Variants in PKP4 observed in about 807,000 individuals in gnomAD.
The protein encoded by PKP4 is plakophilin-4.
A neutral mutation model predicts 145.1 loss-of-function variants in PKP4; 90 were observed. That is an observed-to-expected ratio of 0.62 (90% CI 0.52 to 0.74). The LOEUF is 0.74. Ranked by LOEUF, PKP4 falls within the 30% of genes least tolerant of loss-of-function variation. The pLI, the probability that PKP4 is intolerant of heterozygous loss-of-function variation, is 0.00. For missense variants in PKP4, 1,340 were observed against 1,482.7 expected (o/e 0.90, Z 1.58); for synonymous variants, 563 against 577.2 (o/e 0.98, Z 0.35).
chr2:158,644,474 A>G lies in PKP4; in HGVS notation c.1909+1775A>G, dbSNP rs550613055. On this transcript the variant is annotated intron_variant, in intron 11 of 21. Coordinates refer to ENST00000389759, the MANE Select transcript of PKP4 (RefSeq NM_003628.6). ...ACAGCATTGCTTGTAATAATAATTC[A>G]GGGAAAATACTAAGAGTTCATTGAC... Among the ~76,000 whole-genome samples, 10 of 152,324 alleles carry G rather than the reference A, an allele frequency of 6.6e-5. No homozygotes were observed. The East Asian group carries it at 1.7e-3, about 26-fold the overall frequency.
At chr2:158,497,759 A>G (rs1263937081) in intron 1 of PKP4, among the ~76,000 whole-genome samples, 3 of 152,248 alleles carry the variant, frequency 2.0e-5, no homozygotes, top group African/African-American at 7.2e-5. Flanking sequence ...TGTATGAGTC[A>G]TAGTATTCAA....
At chr2:158,585,801 C>A (rs2048748493) in intron 3 of PKP4, among the ~76,000 whole-genome samples, 1 of 149,158 alleles carries the variant, frequency 6.7e-6, no homozygotes, top group Non-Finnish European at 1.5e-5. Context: ...AAAATCCATA[C>A]TTTTGAAGTG....
At chr2:158,633,467 A>G (rs1424123372) in intron 8 of PKP4, among the ~76,000 whole-genome samples, 1 of 152,256 alleles carries the variant, frequency 6.6e-6, no homozygotes, top group Non-Finnish European at 1.5e-5. Context: ...TTCACGTCCC[A>G]GTGGGATCAC....
chr2:158,547,302 A>C (rs1559305712), intron 2 of PKP4, among the ~76,000 whole-genome samples: 1 of 152,248 alleles, frequency 6.6e-6, no homozygotes, highest in Non-Finnish European at 1.5e-5. Flanking sequence ...GTGAATTAAT[A>C]AATTATATTC....
At chr2:158,590,187 A>G (rs2049134932) in intron 3 of PKP4, among the ~76,000 whole-genome samples, 1 of 152,128 alleles carries the variant, frequency 6.6e-6, no homozygotes, top group South Asian at 2.1e-4. Context: ...GAAGCAGGAA[A>G]AAGTGTGTAG....
chr2:158,499,358 T>G (rs1696222266), intron 1 of PKP4, among the ~76,000 whole-genome samples: 2 of 152,156 alleles, frequency 1.3e-5, no homozygotes, highest in African/African-American at 4.8e-5. Flanking sequence ...GCCTGCCCCA[T>G]GTAGTACCTG....
At chr2:158,477,414 T>C (rs1692657170) in intron 1 of PKP4, among the ~76,000 whole-genome samples, 1 of 152,172 alleles carries the variant, frequency 6.6e-6, no homozygotes, top group African/African-American at 2.4e-5. Context: ...TCTAGCCAAC[T>C]CAGCTGGAGG....
rs745919258 is a variant in PKP4 at position 158,631,876 on chromosome 2, G to A, written c.1277G>A (p.Arg426His). 38 of 1,613,964 alleles carry A rather than the reference G, an allele frequency of 2.4e-5. No homozygotes were observed. Among genetic ancestry groups the A allele is most frequent in the East Asian group, 4.5e-5 (2 of 44,892 alleles). Residue 426 changes from arginine (R) to histidine (H), a missense_variant, in exon 8 of 22, where the codon CGC (arginine) becomes CAC (histidine). Coordinates refer to ENST00000389759, the MANE Select transcript of PKP4 (RefSeq NM_003628.6). The part of the protein sequence containing the change: ...EGRTYYSPVY[R>H]SPNHGTVELQ... ...AGGACCTATTACAGCCCAGTGTACCGCAGCCCAAACCATGGAACTGTGGAG... is the reference window on the plus strand; with the variant it reads ...AGGACCTATTACAGCCCAGTGTACCACAGCCCAAACCATGGAACTGTGGAG...
At chr2:158,518,341 T>G (rs989531049) in intron 1 of PKP4, among the ~76,000 whole-genome samples, 1 of 152,220 alleles carries the variant, frequency 6.6e-6, no homozygotes, top group African/African-American at 2.4e-5. Context: ...CTTCAGATGT[T>G]GCACAAGATC....
chr2:158,615,087 A>G (rs968523178), intron 4 of PKP4, among the ~76,000 whole-genome samples: 2 of 151,626 alleles, frequency 1.3e-5, no homozygotes, highest in Admixed American at 1.3e-4. Flanking sequence ...TTTGATAGTG[A>G]ATATCATCCT....
At chr2:158,564,630 C>T (rs945020347) in intron 2 of PKP4, among the ~76,000 whole-genome samples, 6 of 152,102 alleles carry the variant, frequency 3.9e-5, no homozygotes, top group African/African-American at 1.4e-4. Context: ...GTGCCCATTT[C>T]CCCCCAGTTC....
At chr2:158,525,956 G>C (rs2042889397) in intron 1 of PKP4, among the ~76,000 whole-genome samples, 1 of 151,144 alleles carries the variant, frequency 6.6e-6, no homozygotes. Context: ...TCTCTGAATA[G>C]ACCAATAACA....
intron 4 of PKP4, among the ~76,000 whole-genome samples, chr2:158,609,708 T>G (rs936191612): frequency 1.3e-5 from 2 of 152,208 alleles, no homozygotes; most frequent in East Asian, 3.9e-4. Context: ...TGAATTGGAT[T>G]TTTAAATAGC....
intron 2 of PKP4, among the ~76,000 whole-genome samples, chr2:158,545,953 G>A (rs1428379989): frequency 1.3e-5 from 2 of 152,160 alleles, no homozygotes; most frequent in Non-Finnish European, 2.9e-5. Context: ...AGTAGATACT[G>A]AATTATTCTT....
At position 158,538,189 on chromosome 2, in the gene PKP4, G is replaced by A. The variant is rs546734904; in HGVS notation, c.132+4873G>A. On this transcript the variant is annotated intron_variant, in intron 2 of 21. Coordinates refer to ENST00000389759, the MANE Select transcript of PKP4 (RefSeq NM_003628.6). The stretch of plus-strand genomic sequence containing the variant: ...ATCCAGAGCCTTGCTGCTGCCCTCT[G>A]CAACTTACTTAGATGGGTCAGAATG... Among the ~76,000 whole-genome samples the A allele has an allele frequency of 1.6e-4, 24 of 152,294 alleles. 1 individual carries two copies. In the South Asian group the frequency reaches 4.3e-3, roughly 28 times the overall value.
chr2:158,556,971 G>C (rs2046148172), intron 2 of PKP4, among the ~76,000 whole-genome samples: 1 of 151,956 alleles, frequency 6.6e-6, no homozygotes, highest in Non-Finnish European at 1.5e-5. Context: ...CATGGCATGG[G>C]GCTGAAAGAC....
chr2:158,664,342 G>A (rs1047966797), intron 15 of PKP4, among the ~76,000 whole-genome samples: 6 of 152,230 alleles, frequency 3.9e-5, no homozygotes, highest in Admixed American at 2.6e-4. Flanking sequence ...GCAAATGTAT[G>A]AGTATGAAAA....
chr2:158,553,379 G>T (rs927423687), intron 2 of PKP4, among the ~76,000 whole-genome samples: 1 of 152,184 alleles, frequency 6.6e-6, no homozygotes, highest in Non-Finnish European at 1.5e-5. Context: ...ATTTTCCAGG[G>T]AAGATCTGTG....
chr2:158,601,441 TTAAA>T (rs2050219088), intron 3 of PKP4, among the ~76,000 whole-genome samples: 1 of 152,114 alleles, frequency 6.6e-6, no homozygotes, highest in Non-Finnish European at 1.5e-5. Flanking sequence ...GATAATAGAA[TTAAA>T]TAACAAAAAC....
Sources: allele counts gnomAD v4.1 joint callset (sites outside exome capture counted in the v4.1 genomes callset), GRCh38; gene constraint gnomAD v4.1.1; transcripts MANE v1.5; gene names NCBI Gene and HGNC (gene_info 2026-07-23, HGNC 2026-07-21).